The following EYS variants were observed in gnomAD, a reference collection of about 807,000 sequenced individuals.
EYS encodes the protein protein eyes shut homolog.
EYS carries 250 observed loss-of-function variants against 282.1 expected under a neutral mutation model. The ratio of observed to expected loss-of-function variants is 0.89; its 90% CI spans 0.80 to 0.98. The LOEUF is 0.98. Ranked by LOEUF, EYS falls within the 50% of genes least tolerant of loss-of-function variation. The probability of loss-of-function intolerance (pLI) is 0.00; values close to 1 mark genes in which losing one functional copy is unlikely to be tolerated. For synonymous variants in EYS, 1,355 were observed against 1,282.9 expected (o/e 1.06, Z -1.20); for missense variants, 4,016 against 3,709.0 (o/e 1.08, Z -2.15).
At chr6:64,621,063 G>A (rs1189295001) in intron 23 of EYS, among the ~76,000 whole-genome samples, 1 of 152,056 alleles carries the variant, frequency 6.6e-6, no homozygotes, top group Non-Finnish European at 1.5e-5. Flanking sequence ...CCAGGCTGGA[G>A]TGTAGTGGCA....
intron 34 of EYS, among the ~76,000 whole-genome samples, chr6:63,987,927 C>T (rs769350981): frequency 2.0e-5 from 3 of 151,592 alleles, no homozygotes; most frequent in Non-Finnish European, 4.4e-5. Context: ...CTCCATGACC[C>T]GTAACAGGTC....
intron 22 of EYS, among the ~76,000 whole-genome samples, chr6:64,763,601 A>G (rs141750755): frequency 1.3e-3 from 201 of 152,222 alleles, no homozygotes; most frequent in African/African-American, 4.7e-3. Context: ...GGCCCCTCCT[A>G]AATCTCATGT....
At chr6:63,964,897 T>C (rs1436332257) in intron 35 of EYS, among the ~76,000 whole-genome samples, 1 of 152,216 alleles carries the variant, frequency 6.6e-6, no homozygotes, top group Admixed American at 6.5e-5. Context: ...GTTACTGTCA[T>C]ATTATGCCAA....
At chr6:64,577,427 G>C (rs1054225206) in intron 26 of EYS, among the ~76,000 whole-genome samples, 1 of 151,498 alleles carries the variant, frequency 6.6e-6, no homozygotes, top group African/African-American at 2.4e-5. Context: ...TCTCTCAATC[G>C]TTCAAATTAT....
chr6:63,821,188 T>G (rs1771314153), intron 36 of EYS: 2 of 151,906 alleles, frequency 1.3e-5, no homozygotes, highest in Admixed American at 1.3e-4. Context: ...TGTAGGTTTT[T>G]TTTTTTTTTG....
intron 22 of EYS, among the ~76,000 whole-genome samples, chr6:64,735,106 C>T (rs910566280): frequency 6.6e-6 from 1 of 151,824 alleles, no homozygotes; most frequent in Non-Finnish European, 1.5e-5. Flanking sequence ...TTTTTTGAGA[C>T]CCAGTCATGC....
chr6:64,327,193 C>T (rs1047693729), intron 29 of EYS, among the ~76,000 whole-genome samples: 4 of 151,948 alleles, frequency 2.6e-5, no homozygotes. Flanking sequence ...TGTATACAGC[C>T]CATAGGACCA....
At chr6:64,050,485 T>A (rs4130997) in intron 33 of EYS, among the ~76,000 whole-genome samples, 2 of 152,304 alleles carry the variant, frequency 1.3e-5, no homozygotes, top group Middle Eastern at 3.4e-3. Context: ...TACTGAATCA[T>A]GTATACTGAA....
At chr6:63,959,774 A>G (rs1002668272) in intron 35 of EYS, among the ~76,000 whole-genome samples, 1 of 152,208 alleles carries the variant, frequency 6.6e-6, no homozygotes, top group African/African-American at 2.4e-5. Flanking sequence ...AGAGAACCAA[A>G]CACCACATGT....
intron 32 of EYS, among the ~76,000 whole-genome samples, chr6:64,070,727 T>A (rs572682876): frequency 6.0e-4 from 92 of 152,226 alleles, no homozygotes; most frequent in Admixed American, 3.1e-3. Flanking sequence ...TACCCAAGTG[T>A]TGAGATTTAA....
At chr6:65,628,979 C>A (rs1200165077) in intron 2 of EYS, among the ~76,000 whole-genome samples, 2 of 152,060 alleles carry the variant, frequency 1.3e-5, no homozygotes, top group African/African-American at 4.8e-5. Flanking sequence ...CATTTTTAAC[C>A]ACAACCATTA....
At chr6:65,325,653 G>T (rs1010938785) in intron 11 of EYS, among the ~76,000 whole-genome samples, 7 of 152,088 alleles carry the variant, frequency 4.6e-5, no homozygotes, top group South Asian at 4.2e-4. Flanking sequence ...GAGGAGAAGG[G>T]GTCTAAAATA....
chr6:64,563,632 T>C (rs1033567581), intron 26 of EYS, among the ~76,000 whole-genome samples: 2 of 152,130 alleles, frequency 1.3e-5, no homozygotes, highest in Admixed American at 6.5e-5. Context: ...ATTCAACAAA[T>C]CTTATGAAAT....
chr6:65,533,153 CA>C (rs1482399276), intron 2 of EYS, among the ~76,000 whole-genome samples: 1 of 151,912 alleles, frequency 6.6e-6, no homozygotes, highest in Non-Finnish European at 1.5e-5. Context: ...TCATAATGAA[CA>C]ACACCGATCC....
chr6:63,894,018 C>T (rs1282754483), intron 35 of EYS, among the ~76,000 whole-genome samples: 2 of 152,120 alleles, frequency 1.3e-5, no homozygotes. Context: ...TGTGAGGAGC[C>T]TGAGGGGAGA....
chr6:64,166,958 TCA>T (rs1314274166), intron 31 of EYS, among the ~76,000 whole-genome samples: 2 of 152,230 alleles, frequency 1.3e-5, no homozygotes, highest in Admixed American at 6.5e-5. Flanking sequence ...AGTTGTAGAA[TCA>T]CAGTTTATAA....
intron 41 of EYS, among the ~76,000 whole-genome samples, chr6:63,745,897 GA>G (rs1397351903): frequency 6.6e-6 from 1 of 152,074 alleles, no homozygotes; most frequent in African/African-American, 2.4e-5. Flanking sequence ...CTTATAAGAA[GA>G]AACACCACAG....
chr6:64,541,558 GC>G (rs1764696296), intron 26 of EYS, among the ~76,000 whole-genome samples: 1 of 151,404 alleles, frequency 6.6e-6, no homozygotes, highest in Admixed American at 6.6e-5. Flanking sequence ...TTTTTCAGAA[GC>G]CTCCAACATA....
intron 2 of EYS, among the ~76,000 whole-genome samples, chr6:65,517,025 A>G (rs921979010): frequency 2.6e-5 from 4 of 151,968 alleles, no homozygotes; most frequent in Non-Finnish European, 4.4e-5. Context: ...TATTATTTAT[A>G]GTGCTCTCAA....
Sources: gnomAD v4.1 joint callset for allele counts (sites outside exome capture counted in the v4.1 genomes callset) on GRCh38, gnomAD v4.1.1 for gene constraint, MANE v1.5 for transcripts, NCBI Gene and HGNC (gene_info 2026-07-23, HGNC 2026-07-21) for gene names.